Variants in SPOPL observed in about 807,000 individuals in gnomAD.
SPOPL encodes the protein speckle-type POZ protein-like.
A neutral mutation model predicts 53.8 loss-of-function variants in SPOPL; 23 were observed. The ratio of observed to expected loss-of-function variants is 0.43; its 90% CI spans 0.31 to 0.61. The LOEUF is 0.61. Ranked by LOEUF, SPOPL falls within the 20% of genes least tolerant of loss-of-function variation. SPOPL has a pLI of 0.12. For synonymous variants in SPOPL, 164 were observed against 149.7 expected (o/e 1.10, Z -0.70); for missense variants, 442 against 466.9 (o/e 0.95, Z 0.49).
intron 1 of SPOPL, among the ~76,000 whole-genome samples, chr2:138,510,162 T>C (rs1188575561): frequency 6.6e-6 from 1 of 152,236 alleles, no homozygotes; most frequent in Non-Finnish European, 1.5e-5. Flanking sequence ...TTGCAGATTA[T>C]GAGTAAAGCT....
chr2:138,502,348 GC>G (rs1334853463), intron 1 of SPOPL, among the ~76,000 whole-genome samples: 3 of 152,206 alleles, frequency 2.0e-5, no homozygotes, highest in Non-Finnish European at 4.4e-5. Context: ...CCCCGGGGTT[GC>G]CCCCAATCCC....
At chr2:138,560,724 A>G in intron 7 of SPOPL, 81 bp from the exon 8 acceptor site, 2 of 1,441,674 alleles carry the variant, frequency 1.4e-6, no homozygotes, top group Non-Finnish European at 1.9e-6. Flanking sequence ...GGGCTTTTAA[A>G]TTACTGTCAA....
At chr2:138,507,114 A>C (rs922264392) in intron 1 of SPOPL, among the ~76,000 whole-genome samples, 11 of 152,190 alleles carry the variant, frequency 7.2e-5, no homozygotes, top group African/African-American at 2.7e-4. Flanking sequence ...AACATGAAGA[A>C]AATTTTATAT....
chr2:138,540,297 C>T (rs1027293590), intron 1 of SPOPL, among the ~76,000 whole-genome samples: 1 of 152,084 alleles, frequency 6.6e-6, no homozygotes, highest in Non-Finnish European at 1.5e-5. Context: ...TCATTGGTAG[C>T]TTGATGGGGA....
chr2:138,506,549 T>C (rs1684218785), intron 1 of SPOPL, among the ~76,000 whole-genome samples: 1 of 152,126 alleles, frequency 6.6e-6, no homozygotes, highest in Admixed American at 6.5e-5. Context: ...GATTTAGAGA[T>C]GGATGAGATT....
At chr2:138,526,543 T>C (rs968807561) in intron 1 of SPOPL, among the ~76,000 whole-genome samples, 1 of 152,152 alleles carries the variant, frequency 6.6e-6, no homozygotes, top group African/African-American at 2.4e-5. Flanking sequence ...GTGATGTATA[T>C]ATTTTATAAA....
chr2:138,503,980 T>A (rs1339514710), intron 1 of SPOPL, among the ~76,000 whole-genome samples: 3 of 152,210 alleles, frequency 2.0e-5, no homozygotes, highest in Non-Finnish European at 4.4e-5. Flanking sequence ...TTACTCACTT[T>A]AAAAAATGCT....
At chr2:138,511,347 G>T (rs1418005708) in intron 1 of SPOPL, among the ~76,000 whole-genome samples, 3 of 152,048 alleles carry the variant, frequency 2.0e-5, no homozygotes, top group Non-Finnish European at 4.4e-5. Context: ...TCTTAAGAGG[G>T]TATACCAGGT....
At chr2:138,552,466 T>G in intron 4 of SPOPL, 88 bp from the exon 5 acceptor site, 2 of 1,456,222 alleles carry the variant, frequency 1.4e-6, no homozygotes, top group South Asian at 2.8e-5. Flanking sequence ...CAAGTCCTGT[T>G]TTCACACATT....
chr2:138,549,977 A>G (rs1188990822), intron 1 of SPOPL, among the ~76,000 whole-genome samples, 180 bp from the exon 2 acceptor site: 1 of 152,132 alleles, frequency 6.6e-6, no homozygotes, highest in Admixed American at 6.5e-5. Flanking sequence ...TTAGATTTCA[A>G]GTGTCACATG....
rs1202431621 is a variant in SPOPL at position 138,570,319 on chromosome 2, T to C, written c.*1239T>C. On this transcript the variant is annotated 3_prime_UTR_variant, in exon 11 of 11. Coordinates refer to ENST00000280098, the MANE Select transcript of SPOPL (RefSeq NM_001001664.3). ...TTTTTCTTCATTGTGTTTCAGTTAC[T>C]GTACTAACATTGTGGATGATACTGA... is the stretch of plus-strand genomic sequence containing the variant. The C allele has an allele frequency of 6.6e-6, 1 of 152,222 alleles. No homozygotes were observed. Among genetic ancestry groups the C allele is most frequent in the Non-Finnish European group, 1.5e-5 (1 of 68,036 alleles). The allele number at this position is 152,222 out of a possible 1,614,324, so 9.4% of individuals were successfully genotyped here. A position where few individuals can be genotyped will look rare whatever the true frequency, so the allele number is the denominator to read the frequency against.
At chr2:138,527,941 T>G (rs1306388004) in intron 1 of SPOPL, among the ~76,000 whole-genome samples, 1 of 152,190 alleles carries the variant, frequency 6.6e-6, no homozygotes, top group African/African-American at 2.4e-5. Flanking sequence ...CTGTTACACA[T>G]GTCAAAGTAA....
At chr2:138,526,576 A>AT (rs200305469) in intron 1 of SPOPL, among the ~76,000 whole-genome samples, 1,896 of 151,862 alleles carry the variant, frequency 0.012, 36 homozygotes, top group African/African-American at 0.037. Flanking sequence ...GTATATTCTG[A>AT]TTTTTTTTAC....
In SPOPL at chr2:138,569,248, C is replaced by T; in HGVS notation, c.*168C>T. On this transcript the variant is annotated 3_prime_UTR_variant, in exon 11 of 11. Transcript: ENST00000280098. Reference sequence around the variant, plus strand: ...TCAGGTGGATAATTTATGGTTTATTCTTCAGCTTTAAATTAGACTGATTAA... The same window carrying T: ...TCAGGTGGATAATTTATGGTTTATTTTTCAGCTTTAAATTAGACTGATTAA... 1.4e-6 allele frequency: 1 copy of T among 720,958 alleles called. No individual in the cohort carries two copies. The highest frequency in any genetic ancestry group is 2.0e-5 in the South Asian group (1 of 48,924). The allele number at this position is 720,958 out of a possible 1,614,324, so 44.7% of individuals were successfully genotyped here. A position where few individuals can be genotyped will look rare whatever the true frequency, so the allele number is the denominator to read the frequency against.
chr2:138,549,078 T>A (rs1685257513), intron 1 of SPOPL, among the ~76,000 whole-genome samples: 1 of 152,110 alleles, frequency 6.6e-6, no homozygotes, highest in Non-Finnish European at 1.5e-5. Context: ...TGTTCAAGTC[T>A]CCTATTTCTT....
chr2:138,546,989 G>A (rs187231579), intron 1 of SPOPL, among the ~76,000 whole-genome samples: 1 of 151,878 alleles, frequency 6.6e-6, no homozygotes, highest in South Asian at 2.1e-4. Flanking sequence ...TTTTTGAGAT[G>A]GAGTCTCACT....
chr2:138,541,479 TATG>T (rs1558872477), intron 1 of SPOPL, among the ~76,000 whole-genome samples: 2,887 of 152,318 alleles, frequency 0.019, 87 homozygotes, highest in African/African-American at 0.065. Flanking sequence ...TGGGAGGGTG[TATG>T]TGTTGAGGAA....
In SPOPL at chr2:138,559,167, A is replaced by G. The variant is rs1320134188; in HGVS notation, c.626A>G (p.Gln209Arg). The G allele has an allele frequency of 1.2e-6, 2 of 1,613,800 alleles. No individual in the cohort carries two copies. Among genetic ancestry groups the G allele is most frequent in the East Asian group, 2.2e-5 (1 of 44,802 alleles). The change falls in exon 6 of 11, where the codon CAA becomes CGA. Residue 209 changes from glutamine to arginine, a missense_variant. Physicochemically the swap from Gln to Arg is conservative, Grantham distance 43. Coordinates refer to ENST00000280098, the MANE Select transcript of SPOPL (RefSeq NM_001001664.3). ...GACTGCAGTTTTTTCGTGAGAGGAC[A>G]AGAATTTAAAGCTCATAAATCTGTG... ...FTDCSFFVRG[Q>R]EFKAHKSVLA...
intron 1 of SPOPL, among the ~76,000 whole-genome samples, chr2:138,516,553 A>G (rs1684441402): frequency 6.6e-6 from 1 of 152,218 alleles, no homozygotes; most frequent in African/African-American, 2.4e-5. Context: ...GTAGGTTGAA[A>G]GTCCACAGGG....
Sources: allele counts gnomAD v4.1 joint callset (sites outside exome capture counted in the v4.1 genomes callset), GRCh38; gene constraint gnomAD v4.1.1; transcripts MANE v1.5; gene names NCBI Gene and HGNC (gene_info 2026-07-23, HGNC 2026-07-21).